Variants in SCHIP1 observed in about 807,000 individuals in gnomAD.
The protein encoded by SCHIP1 is schwannomin-interacting protein 1.
SCHIP1 carries 8 observed loss-of-function variants against 29.7 expected under a neutral mutation model. That is an observed-to-expected ratio of 0.27 (90% CI 0.16 to 0.49). The LOEUF is 0.49. Among genes scored for constraint, SCHIP1 ranks in the 20% least tolerant of loss-of-function variants. The pLI is 0.99. For synonymous variants in SCHIP1, 76 were observed against 94.9 expected, an observed-to-expected ratio of 0.80 and a Z score of 1.16; for missense variants, 193 against 294.6, an observed-to-expected ratio of 0.66 and a Z score of 2.52.
the SCHIP1 span, among the ~76,000 whole-genome samples, chr3:159,467,105 GTC>G: frequency 6.6e-6 from 1 of 151,962 alleles, no homozygotes; most frequent in Admixed American, 6.6e-5. Flanking sequence ...CTCTGTGTGT[GTC>G]TCTCTCTGCA....
chr3:159,413,047 C>T, the SCHIP1 span, among the ~76,000 whole-genome samples: 4 of 152,154 alleles, frequency 2.6e-5, no homozygotes, highest in Non-Finnish European at 5.9e-5. Context: ...GTCCTTCTTC[C>T]CATGGCAGCA....
the SCHIP1 span, among the ~76,000 whole-genome samples, chr3:159,493,163 A>G: frequency 6.6e-6 from 1 of 152,256 alleles, no homozygotes; most frequent in African/African-American, 2.4e-5. Context: ...AATTGTAAAG[A>G]CCATCAAGGC....
chr3:159,436,740 C>T, the SCHIP1 span, among the ~76,000 whole-genome samples: 1 of 152,128 alleles, frequency 6.6e-6, no homozygotes, highest in Non-Finnish European at 1.5e-5. Flanking sequence ...TAGCACATTC[C>T]TTATGTGAAC....
chr3:159,397,901 A>G, the SCHIP1 span, among the ~76,000 whole-genome samples: 1 of 152,156 alleles, frequency 6.6e-6, no homozygotes, highest in Non-Finnish European at 1.5e-5. Flanking sequence ...AGCCTGGGCA[A>G]TGGCATGCAC....
chr3:159,683,137 C>T, the SCHIP1 span, among the ~76,000 whole-genome samples: 3 of 152,074 alleles, frequency 2.0e-5, no homozygotes, highest in Non-Finnish European at 4.4e-5. Flanking sequence ...GCAACCTCCA[C>T]CTCCCAGGTT....
chr3:159,534,514 G>A, the SCHIP1 span, among the ~76,000 whole-genome samples: 1 of 152,126 alleles, frequency 6.6e-6, no homozygotes, highest in African/African-American at 2.4e-5. Flanking sequence ...GGATGATGGA[G>A]CCTCTGCCAT....
chr3:159,400,930 C>A, the SCHIP1 span, among the ~76,000 whole-genome samples: 1 of 152,162 alleles, frequency 6.6e-6, no homozygotes, highest in South Asian at 2.1e-4. Flanking sequence ...GTTATTTAAT[C>A]TCTGTAAAGC....
chr3:159,475,938 A>C, the SCHIP1 span, among the ~76,000 whole-genome samples: 1 of 152,206 alleles, frequency 6.6e-6, no homozygotes, highest in Non-Finnish European at 1.5e-5. Flanking sequence ...CCCTCAGTTT[A>C]GACAAGGACC....
chr3:159,654,848 A>C, the SCHIP1 span, among the ~76,000 whole-genome samples: 22,812 of 150,952 alleles, frequency 0.15, 4,867 homozygotes, highest in African/African-American at 0.48. Context: ...ATGCGAAGAC[A>C]ATCTGTACAC....
chr3:159,362,036 T>C, the SCHIP1 span, among the ~76,000 whole-genome samples: 1 of 152,152 alleles, frequency 6.6e-6, no homozygotes, highest in Non-Finnish European at 1.5e-5. Context: ...GTTGGTGAAG[T>C]CATTTGACTG....
chr3:159,307,823 T>C, the SCHIP1 span, among the ~76,000 whole-genome samples: 2 of 152,088 alleles, frequency 1.3e-5, no homozygotes, highest in Admixed American at 1.3e-4. Context: ...CATTTATTGA[T>C]TAGCGATTCC....
At chr3:159,552,459 T>A in the SCHIP1 span, among the ~76,000 whole-genome samples, 1 of 152,048 alleles carries the variant, frequency 6.6e-6, no homozygotes, top group Non-Finnish European at 1.5e-5. Flanking sequence ...CAAAAAAAAA[T>A]AGTTTTTAAG....
At chr3:159,733,508 A>G in the SCHIP1 span, among the ~76,000 whole-genome samples, 1 of 152,212 alleles carries the variant, frequency 6.6e-6, no homozygotes, top group Non-Finnish European at 1.5e-5. Context: ...ATGCTAAATT[A>G]CAGGGCTTGG....
chr3:159,461,437 T>C, the SCHIP1 span, among the ~76,000 whole-genome samples: 2 of 152,098 alleles, frequency 1.3e-5, no homozygotes, highest in South Asian at 2.1e-4. Context: ...TGAAAACAAG[T>C]GGCTGAAGAA....
chr3:159,273,629 T>G, the SCHIP1 span: 1 of 1,308,510 alleles, frequency 7.6e-7, no homozygotes. Context: ...TGCTCCAAAA[T>G]CTACTTTGAG....
chr3:159,397,297 G>A, the SCHIP1 span, among the ~76,000 whole-genome samples: 6,349 of 151,912 alleles, frequency 0.042, 178 homozygotes, highest in Non-Finnish European at 0.059. Flanking sequence ...TAATTTGATC[G>A]TCTGAAGCCT....
At chr3:159,366,075 T>A in the SCHIP1 span, among the ~76,000 whole-genome samples, 276 of 152,296 alleles carry the variant, frequency 1.8e-3, no homozygotes, top group Non-Finnish European at 2.5e-3. Context: ...GGAAGCATGG[T>A]GCTGGCATCT....
the SCHIP1 span, among the ~76,000 whole-genome samples, chr3:159,328,437 G>A: frequency 6.6e-6 from 1 of 152,144 alleles, no homozygotes; most frequent in Non-Finnish European, 1.5e-5. Flanking sequence ...GGGTGATGAG[G>A]CCTAAAAGAG....
chr3:159,766,707 C>A, the SCHIP1 span, among the ~76,000 whole-genome samples: 2 of 152,110 alleles, frequency 1.3e-5, no homozygotes, highest in Non-Finnish European at 2.9e-5. Flanking sequence ...TGTTTTTGAG[C>A]ACCCATGTAT....
Sources: gnomAD v4.1 joint callset for allele counts (sites outside exome capture counted in the v4.1 genomes callset) on GRCh38, gnomAD v4.1.1 for gene constraint, MANE v1.5 for transcripts, NCBI Gene and HGNC (gene_info 2026-07-23, HGNC 2026-07-21) for gene names.